Variants in SLC16A13 observed in about 807,000 individuals in gnomAD.
SLC16A13 encodes the protein solute carrier family 16 member 13.
SLC16A13 carries 28 observed loss-of-function variants against 28.1 expected under a neutral mutation model. That is an observed-to-expected ratio of 1.00 (90% confidence interval 0.74 to 1.37). The LOEUF is 1.37. Among genes scored for constraint, SLC16A13 ranks in the 40% most tolerant of loss-of-function variants. SLC16A13 has a pLI of 0.00. For missense variants in SLC16A13, 482 were observed against 531.8 expected (o/e 0.91, Z 0.92); for synonymous variants, 228 against 241.6 (o/e 0.94, Z 0.52).
intron 2 of SLC16A13, 67 bp downstream of exon 2, chr17:7,036,937 T>A: frequency 6.3e-7 from 1 of 1,577,032 alleles, no homozygotes; most frequent in Non-Finnish European, 8.6e-7. Context: ...TCCTTCCTGC[T>A]CCTTCCAAAG....
At position 7,039,000 on chromosome 17, in the gene SLC16A13, ACACAGC is replaced by A; in HGVS notation, c.1081+113_1081+118del. 1 of 1,406,362 alleles carries A rather than the reference ACACAGC, an allele frequency of 7.1e-7. No homozygotes were observed. Among genetic ancestry groups the A allele is most frequent in the East Asian group, 2.3e-5 (1 of 43,132 alleles). The allele number at this position is 1,406,362 out of a possible 1,614,324, so 87.1% of individuals were successfully genotyped here. On this transcript the variant is annotated intron_variant, in intron 3 of 3. Transcript: ENST00000308027. This position sits in a 1 kb window ranked among gnomAD's most constrained non-coding sequence, Gnocchi z 5.7. The stretch of plus-strand genomic sequence containing the variant: ...ATATTGCCCTCTGGTGTAGTACAGT[ACACAGC>A]CTGCGTGGCCAACCATAGCATCCCT...
chr17:7,036,339 C>T lies in SLC16A13; in HGVS notation c.-44C>T, dbSNP rs2151667806. On this transcript the variant is annotated 5_prime_UTR_variant, in exon 1 of 4. Coordinates refer to ENST00000308027, the MANE Select transcript of SLC16A13 (RefSeq NM_201566.3). Reference sequence around the variant, plus strand: ...CAGAGGTGCGGCGTCCAGAACCCGGCTCCTGCAGAGGCTCTGGGTGGCAGC... The same window carrying T: ...CAGAGGTGCGGCGTCCAGAACCCGGTTCCTGCAGAGGCTCTGGGTGGCAGC... 1.9e-6 allele frequency: 3 copies of T among 1,560,044 alleles called. No homozygotes were observed. Among genetic ancestry groups the T allele is most frequent in the Middle Eastern group, 2.4e-4 (1 of 4,152 alleles).
Position 7,038,274 on chromosome 17 carries a change from GC to G in SLC16A13, c.471del (p.Phe159SerfsTer24). On this transcript the variant is annotated frameshift_variant, in exon 3 of 4. Coordinates refer to ENST00000308027, the MANE Select transcript of SLC16A13 (RefSeq NM_201566.3). LOFTEE classifies it high-confidence loss of function. This position sits in a 1 kb window ranked among gnomAD's most constrained non-coding sequence, Gnocchi z 5.7. ...TGVGLSSFTF[A>X]PFFQWLLSHY... ...CGTGGGCCTCTCCTCCTTCACATTT[GC>G]CCCCTTTTTCCAGTGGCTGCTCAGC... The G allele has an allele frequency of 6.2e-7, 1 of 1,614,060 alleles. No homozygotes were observed. The highest frequency in any genetic ancestry group is 2.2e-5 in the East Asian group (1 of 44,878).
At chr17:7,037,705 G>A (rs555841511) in intron 2 of SLC16A13, among the ~76,000 whole-genome samples, 55 of 148,906 alleles carry the variant, frequency 3.7e-4, no homozygotes, top group African/African-American at 1.2e-3. Context: ...CAGCCTGGGC[G>A]ACAGAGCGAG....
In SLC16A13 at chr17:7,039,880, C is replaced by G; in HGVS notation, c.1199C>G (p.Thr400Ser). 6.2e-7 allele frequency: 1 copy of G among 1,614,204 alleles called. No homozygotes were observed. The highest frequency in any genetic ancestry group is 8.5e-7 in the Non-Finnish European group (1 of 1,180,034). ...CCCCACTTCTTCTGCTTCTCAACTA[C>G]TACCTCCGGGCCCCAGGACCTTGTA... ...TLPHFFCFST[T>S]TSGPQDLVTE... The change falls in exon 4 of 4, where the codon ACT becomes AGT. Residue 400 changes from threonine (T) to serine (S), a missense_variant. Coordinates refer to ENST00000308027, the MANE Select transcript of SLC16A13 (RefSeq NM_201566.3). The surrounding 1 kb of genome is among the most constrained non-coding windows in gnomAD (Gnocchi z 4.3).
chr17:7,036,938 C>T (rs765233528), intron 2 of SLC16A13, 68 bp downstream of exon 2: 342 of 1,573,768 alleles, frequency 2.2e-4, no homozygotes, highest in Non-Finnish European at 2.7e-4. Context: ...CCTTCCTGCT[C>T]CTTCCAAAGG....
chr17:7,037,587 G>T (rs574035773), intron 2 of SLC16A13, among the ~76,000 whole-genome samples: 1 of 151,886 alleles, frequency 6.6e-6, no homozygotes, highest in Admixed American at 6.6e-5. Flanking sequence ...TTAGCTGGGC[G>T]TGGTGGCAGG....
At position 7,036,815 on chromosome 17, in the gene SLC16A13, C is replaced by T; in HGVS notation, c.288C>T (p.Leu96=). 2 of 1,613,918 alleles carry T rather than the reference C, an allele frequency of 1.2e-6. No individual in the cohort carries two copies. The highest frequency in any genetic ancestry group is 1.7e-6 in the Non-Finnish European group (2 of 1,180,052). ...GGILAALGML[L]ASFATSLTHL... is the part of the protein sequence containing the mutation. ...TCTTGGCTGCGCTGGGGATGCTGCT[C>T]GCCTCTTTTGCTACTTCCTTGACCC... The change falls in exon 2 of 4, where the codon CTC becomes CTT. Residue 96 remains leucine (L), a synonymous_variant. Transcript: ENST00000308027.
At chr17:7,037,490 G>A (rs1910614443) in intron 2 of SLC16A13, among the ~76,000 whole-genome samples, 1 of 151,856 alleles carries the variant, frequency 6.6e-6, no homozygotes, top group Non-Finnish European at 1.5e-5. Context: ...ACTTTGGGAG[G>A]CCGAGGCGGG....
Position 7,036,751 on chromosome 17 carries a change from C to T in SLC16A13, c.224C>T (p.Thr75Met). The change falls in exon 2 of 4, where the codon ACG becomes ATG. Residue 75 changes from threonine to methionine, a missense_variant. By Grantham distance (81) the Thr-to-Met change is moderately conservative. Coordinates refer to ENST00000308027, the MANE Select transcript of SLC16A13 (RefSeq NM_201566.3). ...FGSPVGSALS[T>M]KFGPRPVVMT... ...GGCCCGGTAGGCAGTGCCCTGAGCACGAAGTTCGGGCCCAGGCCCGTGGTG... is the reference window on the plus strand; with the variant it reads ...GGCCCGGTAGGCAGTGCCCTGAGCATGAAGTTCGGGCCCAGGCCCGTGGTG... The T allele has an allele frequency of 6.2e-7, 1 of 1,613,350 alleles. No individual in the cohort carries two copies. Among genetic ancestry groups the T allele is most frequent in the Non-Finnish European group, 8.5e-7 (1 of 1,180,022 alleles).
intron 2 of SLC16A13, among the ~76,000 whole-genome samples, chr17:7,037,920 T>A (rs188604993): frequency 8.3e-4 from 126 of 152,156 alleles, no homozygotes; most frequent in Non-Finnish European, 4.3e-4. Flanking sequence ...TCTCTAATCT[T>A]CCACAATCCC....
chr17:7,036,536 G>C lies in SLC16A13; in HGVS notation c.154G>C (p.Val52Leu), dbSNP rs1567731944. The C allele has an allele frequency of 1.2e-6, 2 of 1,612,516 alleles. No homozygotes were observed. Among genetic ancestry groups the C allele is most frequent in the Admixed American group, 1.7e-5 (1 of 60,036 alleles). ...GGCGTTTGAGGAGCAGGCAGCGCGC[G>C]TCTCCTGGATCGCCTCCATAGGAAT... Reference protein sequence around the residue: ...VAAFEEQAARVSWIASIGIAV... With the variant: ...VAAFEEQAARLSWIASIGIAV... The change falls in exon 1 of 4, where the codon GTC becomes CTC. Residue 52 changes from valine (V) to leucine (L), a missense_variant. Physicochemically the swap from Val to Leu is conservative, Grantham distance 32. Coordinates refer to ENST00000308027, the MANE Select transcript of SLC16A13 (RefSeq NM_201566.3).
chr17:7,036,838 C>T lies in SLC16A13; in HGVS notation c.311C>T (p.Thr104Ile), dbSNP rs747781381. 2.5e-6 allele frequency: 4 copies of T among 1,613,474 alleles called. No homozygotes were observed. Among genetic ancestry groups the T allele is most frequent in the Non-Finnish European group, 3.4e-6 (4 of 1,180,054 alleles). The change falls in exon 2 of 4, where the codon ACC (threonine) becomes ATC (isoleucine). Residue 104 changes from threonine (T) to isoleucine (I), a missense_variant. By Grantham distance (89) the Thr-to-Ile change is moderately conservative. Coordinates refer to ENST00000308027, the MANE Select transcript of SLC16A13 (RefSeq NM_201566.3). Reference protein sequence around the residue: ...MLLASFATSLTHLYLSIGLLS... With the variant: ...MLLASFATSLIHLYLSIGLLS... Reference sequence around the variant, plus strand: ...CTCGCCTCTTTTGCTACTTCCTTGACCCACCTATACCTGAGTATTGGGTTG... The same window carrying T: ...CTCGCCTCTTTTGCTACTTCCTTGATCCACCTATACCTGAGTATTGGGTTG...
rs142202123 is a variant in SLC16A13, at chr17:7,039,888, G to C, written c.1207G>C (p.Gly403Arg). Residue 403 changes from glycine (G) to arginine (R), a missense_variant, in exon 4 of 4, where the codon GGG (glycine) becomes CGG (arginine). Gly to Arg is a moderately radical substitution (Grantham distance 125). Coordinates refer to ENST00000308027, the MANE Select transcript of SLC16A13 (RefSeq NM_201566.3). This position sits in a 1 kb window ranked among gnomAD's most constrained non-coding sequence, Gnocchi z 4.3. ...HFFCFSTTTSGPQDLVTEALD... is the reference protein window; with the variant it reads ...HFFCFSTTTSRPQDLVTEALD... ...CTTCTGCTTCTCAACTACTACCTCC[G>C]GGCCCCAGGACCTTGTAACAGAAGC... is the stretch of plus-strand genomic sequence containing the variant. 7 of 1,613,960 alleles carry C rather than the reference G, an allele frequency of 4.3e-6. No homozygotes were observed. The highest frequency in any genetic ancestry group is 1.3e-5 in the African/African-American group (1 of 74,972).
chr17:7,038,574 T>C lies in SLC16A13; in HGVS notation c.766T>C (p.Ser256Pro). Residue 256 changes from serine (S) to proline (P), a missense_variant, in exon 3 of 4, where the codon TCA becomes CCA. Coordinates refer to ENST00000308027, the MANE Select transcript of SLC16A13 (RefSeq NM_201566.3). This position sits in a 1 kb window ranked among gnomAD's most constrained non-coding sequence, Gnocchi z 5.7. ...WDPLPAAFLL[S>P]VVAISDLVGR... Reference sequence around the variant, plus strand: ...CCCACTACCTGCTGCCTTCCTACTCTCAGTTGTTGCTATTTCTGACCTCGT... The same window carrying C: ...CCCACTACCTGCTGCCTTCCTACTCCCAGTTGTTGCTATTTCTGACCTCGT... 6.2e-7 allele frequency: 1 copy of C among 1,614,158 alleles called. No homozygotes were observed. Among genetic ancestry groups the C allele is most frequent in the Non-Finnish European group, 8.5e-7 (1 of 1,180,026 alleles).
chr17:7,036,676 TG>T (rs755660929), intron 1 of SLC16A13, 50 bp from the exon 2 acceptor site: 35 of 1,606,542 alleles, frequency 2.2e-5, no homozygotes, highest in Non-Finnish European at 1.5e-5. Flanking sequence ...CGGGAGATGC[TG>T]GGGGGGAGAC....
rs1195282628 is a variant in SLC16A13, at chr17:7,039,656, C to T, written c.1082-107C>T. The T allele has an allele frequency of 8.5e-7, 1 of 1,180,710 alleles. No homozygotes were observed. Among genetic ancestry groups the T allele is most frequent in the African/African-American group, 1.5e-5 (1 of 65,164 alleles). The allele number at this position is 1,180,710 out of a possible 1,614,324, so 73.1% of individuals were successfully genotyped here. A position where few individuals can be genotyped will look rare whatever the true frequency, so the allele number is the denominator to read the frequency against. ...TTATCCAACTATTCCATGGGAGTTC[C>T]AACTCCTCTGAGATGATAAGTCTTC... On this transcript the variant is annotated intron_variant, in intron 3 of 3. Transcript: ENST00000308027. The surrounding 1 kb of genome is among the most constrained non-coding windows in gnomAD (Gnocchi z 4.3).
At position 7,039,573 on chromosome 17, in the gene SLC16A13, C is replaced by T. The variant is rs1012913374; in HGVS notation, c.1082-190C>T. ...CTGGTTTGGAGGTCCTTTCTGAAGG[C>T]GGGGAGGTGGTTGAAATTAACTTTT... On this transcript the variant is annotated intron_variant, in intron 3 of 3. Transcript: ENST00000308027. This position sits in a 1 kb window ranked among gnomAD's most constrained non-coding sequence, Gnocchi z 4.3. Among the ~76,000 whole-genome samples the T allele has an allele frequency of 6.6e-6, 1 of 152,178 alleles. No homozygotes were observed. Among genetic ancestry groups the T allele is most frequent in the South Asian group, 2.1e-4 (1 of 4,816 alleles).
rs781323358 is a variant in SLC16A13, at chr17:7,038,248, G to A, written c.440G>A (p.Gly147Asp). The A allele has an allele frequency of 6.2e-7, 1 of 1,614,162 alleles. No homozygotes were observed. Among genetic ancestry groups the A allele is most frequent in the Non-Finnish European group, 8.5e-7 (1 of 1,180,034 alleles). Reference sequence around the variant, plus strand: ...CTGGCCACCGGGCTGGCACTGACAGGCGTGGGCCTCTCCTCCTTCACATTT... The same window carrying A: ...CTGGCCACCGGGCTGGCACTGACAGACGTGGGCCTCTCCTCCTTCACATTT... ...RSLATGLALT[G>D]VGLSSFTFAP... is the part of the protein sequence containing the mutation. The change falls in exon 3 of 4, where the codon GGC (glycine) becomes GAC (aspartate). Residue 147 changes from glycine (G) to aspartate (D), a missense_variant. By Grantham distance (94) the Gly-to-Asp change is moderately conservative (BLOSUM62 -1). Transcript: ENST00000308027. This position sits in a 1 kb window ranked among gnomAD's most constrained non-coding sequence, Gnocchi z 5.7.
Sources: gnomAD v4.1 joint callset for allele counts (sites outside exome capture counted in the v4.1 genomes callset) on GRCh38, gnomAD v4.1.1 for gene constraint, Gnocchi (gnomAD v3.1) non-coding constraint, MANE v1.5 for transcripts, NCBI Gene and HGNC (gene_info 2026-07-23, HGNC 2026-07-21) for gene names.